GRHL2: variants seen among roughly 807,000 people sequenced by gnomAD.
GRHL2 encodes grainyhead-like protein 2 homolog.
A neutral mutation model predicts 83.8 loss-of-function variants in GRHL2; 21 were observed. The observed-to-expected ratio is 0.25, with a 90% CI of 0.18 to 0.36. The LOEUF is 0.36. GRHL2 is among the 10% of genes least tolerant of loss of function. The pLI is 1.00. For synonymous variants in GRHL2, 280 were observed against 278.9 expected, an observed-to-expected ratio of 1.00 and a Z score of -0.04; for missense variants, 623 against 781.8, an observed-to-expected ratio of 0.80 and a Z score of 2.42.
At chr8:101,580,094 C>T (rs760613260) in intron 7 of GRHL2, among the ~76,000 whole-genome samples, 1 of 152,166 alleles carries the variant, frequency 6.6e-6, no homozygotes, top group Non-Finnish European at 1.5e-5. Flanking sequence ...TCAACCAAGT[C>T]AGCCAGGCAG....
chr8:101,596,362 A>G (rs901278668), intron 7 of GRHL2, among the ~76,000 whole-genome samples: 37 of 152,286 alleles, frequency 2.4e-4, no homozygotes, highest in African/African-American at 8.9e-4. Flanking sequence ...TAGCAGGAAC[A>G]CTTTGACAAA....
chr8:101,538,434 A>G (rs983086956), intron 1 of GRHL2, among the ~76,000 whole-genome samples: 2 of 151,972 alleles, frequency 1.3e-5, no homozygotes, highest in African/African-American at 4.8e-5. Context: ...GAAAACGAAC[A>G]AGAAAAAAAA....
At chr8:101,553,686 G>A (rs1382073085) in intron 3 of GRHL2, among the ~76,000 whole-genome samples, 3 of 145,794 alleles carry the variant, frequency 2.1e-5, no homozygotes, top group Non-Finnish European at 4.5e-5. Context: ...GGAGTGTAGT[G>A]GCACCATCTT....
chr8:101,671,886 G>A (rs4734578), downstream of GRHL2, among the ~76,000 whole-genome samples: 7 of 151,660 alleles, frequency 4.6e-5, no homozygotes, highest in South Asian at 1.0e-3. Flanking sequence ...CACCAATATC[G>A]ACTGTTCTAC....
intron 6 of GRHL2, among the ~76,000 whole-genome samples, chr8:101,574,741 G>C (rs945781068): frequency 2.6e-5 from 4 of 152,226 alleles, no homozygotes; most frequent in African/African-American, 9.6e-5. Flanking sequence ...AGGAGAATTA[G>C]TAAATTCTAA....
In GRHL2 at chr8:101,667,210, G is replaced by T. The variant is rs1053113238; in HGVS notation, c.*507G>T. 3 of 203,588 alleles carry T rather than the reference G, an allele frequency of 1.5e-5. No individual in the cohort carries two copies. Among genetic ancestry groups the T allele is most frequent in the South Asian group, 1.0e-4 (1 of 9,808 alleles). The allele number at this position is 203,588 out of a possible 1,614,324, so 12.6% of individuals were successfully genotyped here. On this transcript the variant is annotated 3_prime_UTR_variant, in exon 16 of 16. Transcript: ENST00000646743. ...CCACTTTCTGGTCAGACACCTTTAG[G>T]TTGCTCTGGGGAAGGCTGTCTTGCT...
In GRHL2 at chr8:101,513,500, C is replaced by CTTTTTTTTTTTTTTTTTTT. The variant is rs112134650; in HGVS notation, c.20+20721_20+20722insTTTTTTTTTTTTTTTTTTT. ...TATGTGGGTGCAGGCTATCGTTGTG[C>CTTTTTTTTTTTTTTTTTTT]TTTTTTTTTTGGAGATGGAGTTTTG... On this transcript the variant is annotated intron_variant, in intron 1 of 15. Coordinates refer to ENST00000646743, the MANE Select transcript of GRHL2 (RefSeq NM_024915.4). Among the ~76,000 whole-genome samples, 14 of 100,174 alleles carry CTTTTTTTTTTTTTTTTTTT rather than the reference C, an allele frequency of 1.4e-4. 6 individuals carry two copies. Among genetic ancestry groups the CTTTTTTTTTTTTTTTTTTT allele is most frequent in the Admixed American group, 3.8e-4 (3 of 7,920 alleles). 65.7% of individuals were successfully genotyped at this position (100,174 alleles called of 152,430 possible). A position where few individuals can be genotyped will look rare whatever the true frequency, so the allele number is the denominator to read the frequency against.
Position 101,650,518 on chromosome 8 carries a change from T to C in GRHL2, c.1698+1019T>C, listed in dbSNP as rs369756829. ...TTTGAATACTTGTTTCCAGTTCTTT[T>C]GGGTATGTTCCAAGGTGTGGAATTG... On this transcript the variant is annotated intron_variant, in intron 14 of 15. Transcript: ENST00000646743. 7.9e-5 allele frequency among the ~76,000 whole-genome samples: 12 copies of C among 152,332 alleles called. No homozygotes were observed. The East Asian group carries it at 9.6e-4, about 12-fold the overall frequency.
At chr8:101,545,869 C>CTTTT (rs1563573764) in intron 2 of GRHL2, among the ~76,000 whole-genome samples, 1 of 111,472 alleles carries the variant, frequency 9.0e-6, no homozygotes, top group Non-Finnish European at 1.8e-5. Flanking sequence ...CTCTTTGTAA[C>CTTTT]ATTTTTTTTT....
At chr8:101,567,551 G>A (rs1288588895) in intron 4 of GRHL2, among the ~76,000 whole-genome samples, 1 of 152,180 alleles carries the variant, frequency 6.6e-6, no homozygotes, top group Non-Finnish European at 1.5e-5. Context: ...TAAAGATAAT[G>A]TAACAGAATT....
At chr8:101,525,642 C>T (rs1390628950) in intron 1 of GRHL2, among the ~76,000 whole-genome samples, 2 of 151,930 alleles carry the variant, frequency 1.3e-5, no homozygotes, top group African/African-American at 2.4e-5. Flanking sequence ...AGGTGTGTAC[C>T]ACCACACCCG....
rs781720355 is a variant in GRHL2 at position 101,552,762 on chromosome 8, C to T, written c.264C>T (p.Ser88=). 1.2e-6 allele frequency: 2 copies of T among 1,613,858 alleles called. No individual in the cohort carries two copies. The highest frequency in any genetic ancestry group is 2.2e-5 in the East Asian group (1 of 44,880). ...RLLSVSKASD[S]QEDQEKRNCL... ...TGTCTGTAAGCAAAGCAAGTGACAG[C>T]CAAGAAGACCAGGAGAAAAGGTAAA... The change falls in exon 3 of 16, where the codon AGC becomes AGT. Residue 88 remains serine, a synonymous_variant. Transcript: ENST00000646743.
At chr8:101,552,607 C>T in intron 2 of GRHL2, 108 bp from the exon 3 acceptor site, 1 of 997,140 alleles carries the variant, frequency 1.0e-6, no homozygotes, top group Admixed American at 1.8e-5. Flanking sequence ...TCCACCATTT[C>T]CTGGAGAACA....
chr8:101,575,569 T>G (rs1811917339), intron 6 of GRHL2, among the ~76,000 whole-genome samples: 1 of 152,190 alleles, frequency 6.6e-6, no homozygotes, highest in African/African-American at 2.4e-5. Context: ...AGCATTTATT[T>G]CTGAGAACAG....
intron 14 of GRHL2, among the ~76,000 whole-genome samples, chr8:101,659,928 A>AGAT (rs1460171372): frequency 9.2e-5 from 14 of 152,200 alleles, no homozygotes; most frequent in Non-Finnish European, 4.4e-5. Flanking sequence ...TATTCTAAAG[A>AGAT]GATGGTGAGC....
intron 1 of GRHL2, among the ~76,000 whole-genome samples, chr8:101,535,925 T>C (rs1403632307): frequency 6.6e-6 from 1 of 152,236 alleles, no homozygotes; most frequent in African/African-American, 2.4e-5. Context: ...ACACATAGGC[T>C]GTGAAAATTT....
rs115444209 is a variant in GRHL2, at chr8:101,637,634, C to G, written c.1517+706C>G. Reference sequence around the variant, plus strand: ...ATTTAGCTGACCTCCTCTCGTAGATCATGGTAATAGCTATACCACCTCTTT... The same window carrying G: ...ATTTAGCTGACCTCCTCTCGTAGATGATGGTAATAGCTATACCACCTCTTT... On this transcript the variant is annotated intron_variant, in intron 12 of 15. Coordinates refer to ENST00000646743, the MANE Select transcript of GRHL2 (RefSeq NM_024915.4). Among the ~76,000 whole-genome samples, 641 of 152,302 alleles carry G rather than the reference C, an allele frequency of 4.2e-3. 5 individuals are homozygous for G. The highest frequency in any genetic ancestry group is 0.014 in the African/African-American group (597 of 41,566).
chr8:101,581,814 A>G (rs16867856), intron 7 of GRHL2, among the ~76,000 whole-genome samples: 6,872 of 152,284 alleles, frequency 0.045, 515 homozygotes, highest in African/African-American at 0.15. Context: ...GCAGCATAGA[A>G]GAGCGCTTCC....
At chr8:101,562,717 C>A (rs1055906108) in intron 4 of GRHL2, among the ~76,000 whole-genome samples, 4 of 152,138 alleles carry the variant, frequency 2.6e-5, no homozygotes, top group African/African-American at 9.7e-5. Context: ...CCTTTTCCAA[C>A]TTTTGATGTA....
Sources: allele counts gnomAD v4.1 joint callset (sites outside exome capture counted in the v4.1 genomes callset), GRCh38; gene constraint gnomAD v4.1.1; transcripts MANE v1.5; gene names NCBI Gene and HGNC (gene_info 2026-07-23, HGNC 2026-07-21).